The following FBXL7 variants were observed in gnomAD, a reference collection of about 807,000 sequenced individuals.
FBXL7 encodes the protein F-box/LRR-repeat protein 7.
FBXL7 carries 12 observed loss-of-function variants against 38.3 expected under a neutral mutation model. The observed-to-expected ratio is 0.31, with a 90% CI of 0.20 to 0.51. The LOEUF is 0.51. Ranked by LOEUF, FBXL7 falls within the 20% of genes least tolerant of loss-of-function variation. The probability of loss-of-function intolerance (pLI) is 0.98; values close to 1 mark genes in which losing one functional copy is unlikely to be tolerated. For missense variants in FBXL7, 567 were observed against 676.4 expected, an observed-to-expected ratio of 0.84 and a Z score of 1.79; for synonymous variants, 297 against 300.9, an observed-to-expected ratio of 0.99 and a Z score of 0.13.
chr5:15,844,845 C>CA (rs1738849422), intron 2 of FBXL7, among the ~76,000 whole-genome samples: 3 of 152,158 alleles, frequency 2.0e-5, no homozygotes, highest in Admixed American at 1.3e-4. Flanking sequence ...GGATAAATCT[C>CA]AATCATTCAC....
chr5:15,709,451 T>C (rs1743791990), intron 2 of FBXL7, among the ~76,000 whole-genome samples: 1 of 150,258 alleles, frequency 6.7e-6, no homozygotes, highest in African/African-American at 2.5e-5. Flanking sequence ...GGAGAATTGC[T>C]CAAACCCGGG....
At chr5:15,813,892 A>G (rs2126756128) in intron 2 of FBXL7, among the ~76,000 whole-genome samples, 1 of 152,332 alleles carries the variant, frequency 6.6e-6, no homozygotes, top group East Asian at 1.9e-4. Flanking sequence ...ATCTCACACC[A>G]GTTAGAATGG....
At chr5:15,624,625 C>T (rs977040295) in intron 2 of FBXL7, among the ~76,000 whole-genome samples, 5 of 152,146 alleles carry the variant, frequency 3.3e-5, no homozygotes, top group Non-Finnish European at 5.9e-5. Flanking sequence ...ATGTAGCATT[C>T]CTACACTTGA....
chr5:15,556,290 A>C (rs1176018859), intron 1 of FBXL7, among the ~76,000 whole-genome samples: 2 of 152,060 alleles, frequency 1.3e-5, no homozygotes, highest in African/African-American at 2.4e-5. Flanking sequence ...TCCCAGTCCA[A>C]GGGCAGGAGA....
At chr5:15,536,286 C>T (rs1436802311) in intron 1 of FBXL7, among the ~76,000 whole-genome samples, 2 of 152,228 alleles carry the variant, frequency 1.3e-5, no homozygotes, top group African/African-American at 2.4e-5. Flanking sequence ...GGGGTACTGT[C>T]TAATGGAGCT....
At chr5:15,582,926 T>G (rs1739187602) in intron 1 of FBXL7, among the ~76,000 whole-genome samples, 1 of 150,628 alleles carries the variant, frequency 6.6e-6, no homozygotes, top group Admixed American at 6.6e-5. Flanking sequence ...AATCCTCTCC[T>G]TGGCTCATGT....
chr5:15,658,691 C>T (rs1342757577), intron 2 of FBXL7, among the ~76,000 whole-genome samples: 2 of 152,052 alleles, frequency 1.3e-5, no homozygotes, highest in Admixed American at 6.5e-5. Flanking sequence ...ATCGATTGAG[C>T]AAGCAGGGGG....
At chr5:15,570,454 T>C (rs1196082999) in intron 1 of FBXL7, among the ~76,000 whole-genome samples, 1 of 152,248 alleles carries the variant, frequency 6.6e-6, no homozygotes, top group Non-Finnish European at 1.5e-5. Context: ...TATCACTTTT[T>C]ATTGCGTCTA....
intron 2 of FBXL7, among the ~76,000 whole-genome samples, chr5:15,705,479 A>G (rs1743653969): frequency 6.6e-6 from 1 of 152,184 alleles, no homozygotes; most frequent in South Asian, 2.1e-4. Context: ...GGTCCTTGCC[A>G]TTAAAGAGCT....
chr5:15,929,552 A>C (rs1421076358), intron 3 of FBXL7, among the ~76,000 whole-genome samples: 1 of 149,438 alleles, frequency 6.7e-6, no homozygotes, highest in Admixed American at 6.7e-5. Flanking sequence ...TGAGCCCAGG[A>C]GTTCGAAGCT....
chr5:15,810,275 A>G (rs1737824164), intron 2 of FBXL7, among the ~76,000 whole-genome samples: 1 of 152,152 alleles, frequency 6.6e-6, no homozygotes, highest in South Asian at 2.1e-4. Flanking sequence ...ATTAAAAAGT[A>G]TATGAGCGGG....
At chr5:15,696,464 C>T (rs1409695778) in intron 2 of FBXL7, among the ~76,000 whole-genome samples, 1 of 152,022 alleles carries the variant, frequency 6.6e-6, no homozygotes, top group Non-Finnish European at 1.5e-5. Flanking sequence ...TTAATGTCTT[C>T]TTGTGCTGTA....
intron 1 of FBXL7, among the ~76,000 whole-genome samples, chr5:15,501,940 T>C (rs1736501169): frequency 6.6e-6 from 1 of 152,014 alleles, no homozygotes; most frequent in Admixed American, 6.6e-5. Context: ...AGTTTTTTTT[T>C]TTTTGACAAT....
rs377463658 is a variant in FBXL7, at chr5:15,815,815, A to G, written c.128-112075A>G. Among the ~76,000 whole-genome samples, 57 of 152,278 alleles carry G rather than the reference A, an allele frequency of 3.7e-4. 2 individuals carry two copies. The highest frequency in any genetic ancestry group is 1.3e-3 in the African/African-American group (54 of 41,568). ...GGCTGAGGGTGTTTTTAGTAAGGTG[A>G]TAACCAATGGCTATATTTGAGAAAA... is the stretch of plus-strand genomic sequence containing the variant. On this transcript the variant is annotated intron_variant, in intron 2 of 3. Coordinates refer to ENST00000504595, the MANE Select transcript of FBXL7 (RefSeq NM_012304.5).
At chr5:15,772,189 C>T (rs1323926960) in intron 2 of FBXL7, among the ~76,000 whole-genome samples, 12 of 152,170 alleles carry the variant, frequency 7.9e-5, no homozygotes, top group Admixed American at 5.2e-4. Context: ...CAGCTAAACA[C>T]CTATCTTACC....
intron 2 of FBXL7, among the ~76,000 whole-genome samples, chr5:15,833,905 TATTTA>T (rs1220672532): frequency 2.0e-5 from 3 of 152,178 alleles, no homozygotes; most frequent in African/African-American, 7.2e-5. Flanking sequence ...TTGAAACACA[TATTTA>T]AGTAACAATT....
In FBXL7 at chr5:15,810,691, TGTTA is replaced by T. The variant is rs1165622002; in HGVS notation, c.128-117194_128-117191del. On this transcript the variant is annotated intron_variant, in intron 2 of 3. Transcript: ENST00000504595. ...ATTTGTCCATTGAAAGCTGTTATAT[TGTTA>T]GTTATAATTCGGCTGCCACCATATT... Among the ~76,000 whole-genome samples, 7 of 152,204 alleles carry T rather than the reference TGTTA, an allele frequency of 4.6e-5. No individual in the cohort carries two copies. In the East Asian group the frequency reaches 1.2e-3, roughly 25 times the overall value.
chr5:15,698,339 A>C (rs182472568), intron 2 of FBXL7, among the ~76,000 whole-genome samples: 1 of 152,234 alleles, frequency 6.6e-6, no homozygotes, highest in South Asian at 2.1e-4. Context: ...CATACAAATT[A>C]AGCATATGCA....
chr5:15,624,503 A>G (rs1214542435), intron 2 of FBXL7, among the ~76,000 whole-genome samples: 1 of 152,202 alleles, frequency 6.6e-6, no homozygotes, highest in Admixed American at 6.5e-5. Flanking sequence ...TAGTGTATTG[A>G]CTTTGGAAAC....
Sources: allele counts gnomAD v4.1 joint callset (sites outside exome capture counted in the v4.1 genomes callset), GRCh38; gene constraint gnomAD v4.1.1; transcripts MANE v1.5; gene names NCBI Gene and HGNC (gene_info 2026-07-23, HGNC 2026-07-21).